Variants in FAM107B observed in about 807,000 individuals in gnomAD.
FAM107B encodes the protein family with sequence similarity 107 member B, also known as protein FAM107B.
FAM107B carries 21 observed loss-of-function variants against 31.5 expected under a neutral mutation model. That is an observed-to-expected ratio of 0.67 (90% CI 0.47 to 0.96). FAM107B has a LOEUF of 0.96. Among genes scored for constraint, FAM107B ranks in the 40% least tolerant of loss-of-function variants. FAM107B has a pLI of 0.00. For missense variants in FAM107B, 452 were observed against 377.1 expected (o/e 1.20, Z -1.64); for synonymous variants, 157 against 141.5 (o/e 1.11, Z -0.78).
At chr10:14,723,284 G>C (rs915459106) in intron 1 of FAM107B, 1 of 537,942 alleles carries the variant, frequency 1.9e-6, no homozygotes, top group Admixed American at 1.9e-5. Context: ...CTGCTGAATA[G>C]GCACAGAGGG....
In FAM107B at chr10:14,731,163, G is replaced by A. The variant is rs1856163301; in HGVS notation, c.411+43090C>T. On this transcript the variant is annotated intron_variant, in intron 1 of 4. Transcript: ENST00000181796. ...AACAATCCATTGGTCCATTTATTGAGTACCTAGGTGTCAATACTAAAAAGG... is the reference window on the plus strand; with the variant it reads ...AACAATCCATTGGTCCATTTATTGAATACCTAGGTGTCAATACTAAAAAGG... 1.3e-5 allele frequency among the ~76,000 whole-genome samples: 2 copies of A among 152,124 alleles called. 1 individual carries two copies. The highest frequency in any genetic ancestry group is 4.1e-4 in the South Asian group (2 of 4,832).
At chr10:14,656,973 G>T (rs1854075730) in intron 2 of FAM107B, among the ~76,000 whole-genome samples, 1 of 152,178 alleles carries the variant, frequency 6.6e-6, no homozygotes, top group South Asian at 2.1e-4. Context: ...AGACTACTGA[G>T]GTGTCCCATG....
intron 2 of FAM107B, among the ~76,000 whole-genome samples, chr10:14,658,065 G>GC (rs1016075719): frequency 3.1e-4 from 47 of 152,184 alleles, no homozygotes; most frequent in African/African-American, 1.1e-3. Context: ...ACCCACTTCG[G>GC]CCCCCCAAAG....
chr10:14,571,282 T>A (rs1238393581), intron 2 of FAM107B, among the ~76,000 whole-genome samples: 1 of 152,060 alleles, frequency 6.6e-6, no homozygotes, highest in Non-Finnish European at 1.5e-5. Context: ...TTTTTGGGGG[T>A]GACACACACA....
intron 2 of FAM107B, among the ~76,000 whole-genome samples, chr10:14,616,425 G>A (rs879342048): frequency 6.6e-6 from 1 of 152,154 alleles, no homozygotes; most frequent in Non-Finnish European, 1.5e-5. Flanking sequence ...TATTAATGAG[G>A]TTGAAAATGA....
intron 2 of FAM107B, among the ~76,000 whole-genome samples, chr10:14,566,239 G>T (rs1476452454): frequency 6.6e-6 from 1 of 152,114 alleles, no homozygotes; most frequent in East Asian, 1.9e-4. Context: ...AGAATAAGTA[G>T]GTAACACAGT....
intron 2 of FAM107B, among the ~76,000 whole-genome samples, chr10:14,633,208 A>C (rs1370124703): frequency 2.0e-5 from 3 of 152,098 alleles, no homozygotes; most frequent in African/African-American, 7.2e-5. Flanking sequence ...AAAAAAAAAA[A>C]AAATCATACG....
rs1003452597 is a variant in FAM107B at position 14,761,488 on chromosome 10, T to G, written c.411+12765A>C. Among the ~76,000 whole-genome samples the G allele has an allele frequency of 7.2e-5, 11 of 152,242 alleles. 1 individual carries two copies. The highest frequency in any genetic ancestry group is 1.3e-4 in the Admixed American group (2 of 15,278). On this transcript the variant is annotated intron_variant, in intron 1 of 4. Coordinates refer to ENST00000181796, the MANE Select transcript of FAM107B (RefSeq NM_031453.4). ...ATTTTCTCTACATTGGGGCTTTTTATAAGTGAGATAATACGTCTGCATAGT... is the reference window on the plus strand; with the variant it reads ...ATTTTCTCTACATTGGGGCTTTTTAGAAGTGAGATAATACGTCTGCATAGT...
chr10:14,754,290 A>G (rs1203117427), intron 1 of FAM107B, among the ~76,000 whole-genome samples: 1 of 152,158 alleles, frequency 6.6e-6, no homozygotes, highest in Non-Finnish European at 1.5e-5. Flanking sequence ...TGTGAAATGC[A>G]TCTGCAGGGG....
chr10:14,553,641 A>C (rs1849456246), intron 2 of FAM107B, among the ~76,000 whole-genome samples: 1 of 152,198 alleles, frequency 6.6e-6, no homozygotes, highest in Non-Finnish European at 1.5e-5. Context: ...ATACTGACCA[A>C]AACAGATGAG....
At chr10:14,758,979 G>A (rs985612571) in intron 1 of FAM107B, among the ~76,000 whole-genome samples, 1 of 150,544 alleles carries the variant, frequency 6.6e-6, no homozygotes, top group Non-Finnish European at 1.5e-5. Context: ...GGGAGTTCGA[G>A]ACCAGCCTGA....
At chr10:14,701,226 T>C (rs1855391619) in intron 1 of FAM107B, among the ~76,000 whole-genome samples, 1 of 152,040 alleles carries the variant, frequency 6.6e-6, no homozygotes, top group Non-Finnish European at 1.5e-5. Context: ...CATTTTATTA[T>C]TTATTTCTTA....
Position 14,519,115 on chromosome 10 carries a change from G to A in FAM107B, c.*2075C>T, listed in dbSNP as rs1845394398. The A allele has an allele frequency of 3.3e-5, 5 of 151,910 alleles. No individual in the cohort carries two copies. The highest frequency in any genetic ancestry group is 1.2e-4 in the African/African-American group (5 of 41,334). 9.4% of individuals were successfully genotyped at this position (151,910 alleles called of 1,614,324 possible). On this transcript the variant is annotated 3_prime_UTR_variant, in exon 5 of 5. Transcript: ENST00000181796. ...TGTATTACTAATTACAAATAATTCTGCAGATTTGAGTGAGATTAGGAAAGA... is the reference window on the plus strand; with the variant it reads ...TGTATTACTAATTACAAATAATTCTACAGATTTGAGTGAGATTAGGAAAGA...
At chr10:14,635,053 C>T (rs1044044654) in intron 2 of FAM107B, among the ~76,000 whole-genome samples, 7 of 144,180 alleles carry the variant, frequency 4.9e-5, no homozygotes, top group African/African-American at 1.8e-4. Context: ...TGCACCACTG[C>T]GATCCAGAGA....
chr10:14,673,035 G>A (rs1854597951), intron 1 of FAM107B, among the ~76,000 whole-genome samples: 2 of 152,160 alleles, frequency 1.3e-5, no homozygotes, highest in Non-Finnish European at 2.9e-5. Context: ...AGATATTTAT[G>A]TGTACATGTG....
At chr10:14,660,277 CA>C (rs1055465757) in intron 2 of FAM107B, among the ~76,000 whole-genome samples, 1 of 151,896 alleles carries the variant, frequency 6.6e-6, no homozygotes, top group Non-Finnish European at 1.5e-5. Flanking sequence ...TTTCAGCATT[CA>C]AAAAAACCTG....
At chr10:14,766,543 A>G (rs1833165269) in intron 1 of FAM107B, among the ~76,000 whole-genome samples, 1 of 152,096 alleles carries the variant, frequency 6.6e-6, no homozygotes, top group Non-Finnish European at 1.5e-5. Context: ...GGGCCACTGT[A>G]GGGATTTGAT....
At chr10:14,729,578 A>T (rs1375483516) in intron 1 of FAM107B, among the ~76,000 whole-genome samples, 1 of 152,162 alleles carries the variant, frequency 6.6e-6, no homozygotes. Flanking sequence ...GGATCAGGGA[A>T]GCTTCACTGT....
intron 2 of FAM107B, among the ~76,000 whole-genome samples, chr10:14,576,576 T>G (rs1008879543): frequency 2.6e-5 from 4 of 151,408 alleles, no homozygotes; most frequent in African/African-American, 9.7e-5. Context: ...TAGAAAGCAG[T>G]GAACAGTGGG....
Sources: gnomAD v4.1 joint callset for allele counts (sites outside exome capture counted in the v4.1 genomes callset) on GRCh38, gnomAD v4.1.1 for gene constraint, MANE v1.5 for transcripts, NCBI Gene and HGNC (gene_info 2026-07-23, HGNC 2026-07-21) for gene names.